Variants in HERC1 observed in about 807,000 individuals in gnomAD.
HERC1 encodes the protein probable E3 ubiquitin-protein ligase HERC1.
In HERC1, 160 loss-of-function variants were observed where a neutral mutation model predicts 554.3. The ratio of observed to expected loss-of-function variants is 0.29; its 90% CI spans 0.25 to 0.33. The LOEUF (loss-of-function observed/expected upper bound fraction) is 0.33, where lower values mean the gene tolerates loss of function less well. HERC1 is among the 10% of genes least tolerant of loss of function. The pLI is 1.00. For synonymous variants in HERC1, 2,175 were observed against 2,131.7 expected, an observed-to-expected ratio of 1.02 and a Z score of -0.56; for missense variants, 4,919 against 5,918.5, an observed-to-expected ratio of 0.83 and a Z score of 5.54.
At position 63,678,258 on chromosome 15, in the gene HERC1, G is replaced by A. The variant is rs1262925352; in HGVS notation, c.6657C>T (p.Leu2219=). 9.9e-6 allele frequency: 16 copies of A among 1,613,546 alleles called. No homozygotes were observed. Among genetic ancestry groups the A allele is most frequent in the East Asian group, 2.2e-5 (1 of 44,858 alleles). The part of the protein sequence containing the change: ...AAVLAEATIQ[L]IRILHRTDRW... The stretch of plus-strand genomic sequence containing the variant: ...GGTCTGTTCGGTGAAGGATACGGAT[G>A]AGCTGAATAGTGGCCTCAGCCAGCA... The change falls in exon 37 of 78, where the codon CTC becomes CTT. Residue 2219 remains leucine (L), a synonymous_variant. Coordinates refer to ENST00000443617, the MANE Select transcript of HERC1 (RefSeq NM_003922.4).
chr15:63,749,282 T>A lies in HERC1; in HGVS notation c.2219+85A>T. The A allele has an allele frequency of 9.7e-7, 1 of 1,033,614 alleles. No homozygotes were observed. The highest frequency in any genetic ancestry group is 1.7e-5 in the South Asian group (1 of 59,806). The allele number at this position is 1,033,614 out of a possible 1,614,324, so 64.0% of individuals were successfully genotyped here. A position where few individuals can be genotyped will look rare whatever the true frequency, so the allele number is the denominator to read the frequency against. ...AGAGTATTTTATGAACAAAGCACAA[T>A]TATTTCTGTTTTTATTAGTGTTTCT... is the stretch of plus-strand genomic sequence containing the variant. On this transcript the variant is annotated intron_variant, in intron 10 of 77. Transcript: ENST00000443617. This position sits in a 1 kb window ranked among gnomAD's most constrained non-coding sequence, Gnocchi z 4.1.
intron 18 of HERC1, 105 bp from the exon 19 acceptor site, chr15:63,723,460 C>A (rs771858227): frequency 2.5e-6 from 2 of 798,004 alleles, no homozygotes; most frequent in Non-Finnish European, 3.8e-6. Context: ...AAACTTCAAA[C>A]CATTTTAAGT....
chr15:63,612,330 C>T lies in HERC1; in HGVS notation c.14321G>A (p.Arg4774Lys). ...TAGTCGAGATCTTCCTGACACAAAC[C>T]TCATGAAAAGCACCCGCTCCTCATT... ...FSNEERVLFM[R>K]FVSGRSRLPA... is the part of the protein sequence containing the mutation. The change falls in exon 77 of 78, where the codon AGG becomes AAG. Residue 4774 changes from arginine to lysine, a missense_variant. Physicochemically the swap from Arg to Lys is conservative, Grantham distance 26 (BLOSUM62 2). Around this residue, in one of 11 missense-constraint regions of HERC1, gnomAD observed 284 missense variants for 294.1 expected, o/e 0.97. Transcript: ENST00000443617. The surrounding 1 kb of genome is among the most constrained non-coding windows in gnomAD (Gnocchi z 5.0). The T allele has an allele frequency of 6.2e-7, 1 of 1,614,010 alleles. No individual in the cohort carries two copies. Among genetic ancestry groups the T allele is most frequent in the Non-Finnish European group, 8.5e-7 (1 of 1,179,874 alleles).
At chr15:63,616,403 T>G in intron 75 of HERC1, 27 bp downstream of exon 75, 1 of 1,603,028 alleles carries the variant, frequency 6.2e-7, no homozygotes, top group African/African-American at 1.3e-5. Flanking sequence ...TCAACACCAG[T>G]AGAAACATAG....
At chr15:63,811,809 CAAAAAAA>C (rs374847616) in intron 1 of HERC1, among the ~76,000 whole-genome samples, 8 of 77,172 alleles carry the variant, frequency 1.0e-4, no homozygotes, top group African/African-American at 4.1e-4. Context: ...ACTCCGTCTC[CAAAAAAA>C]AAAAAAAAAA....
chr15:63,774,823 C>G lies in HERC1; in HGVS notation c.801G>C (p.Trp267Cys). The change falls in exon 2 of 78, where the codon TGG becomes TGC. Residue 267 changes from tryptophan to cysteine, a missense_variant. By Grantham distance (215) the Trp-to-Cys change is radical (BLOSUM62 -2). Transcript: ENST00000443617. ...QRGSLRYLLEWIEMALGASAV... is the reference protein window; with the variant it reads ...QRGSLRYLLECIEMALGASAV... ...CCGAAGCCCCCAAAGCCATTTCTAT[C>G]CATTCAAGAAGATATCGCAATGAGC... is the stretch of plus-strand genomic sequence containing the variant. The G allele has an allele frequency of 6.2e-7, 1 of 1,614,022 alleles. No homozygotes were observed. The highest frequency in any genetic ancestry group is 8.5e-7 in the Non-Finnish European group (1 of 1,179,894).
At chr15:63,812,179 T>C (rs2077344176) in intron 1 of HERC1, among the ~76,000 whole-genome samples, 1 of 152,190 alleles carries the variant, frequency 6.6e-6, no homozygotes, top group Admixed American at 6.5e-5. Flanking sequence ...ACAAGTTTAC[T>C]TAGGGTTGTG....
intron 1 of HERC1, among the ~76,000 whole-genome samples, chr15:63,813,727 G>A (rs764835955): frequency 1.3e-5 from 2 of 152,182 alleles, no homozygotes; most frequent in Non-Finnish European, 2.9e-5. Flanking sequence ...CCATTTTACT[G>A]TGGCAGAGGC....
intron 50 of HERC1, 38 bp downstream of exon 50, chr15:63,655,704 G>A (rs756682485): frequency 3.8e-6 from 5 of 1,323,574 alleles, no homozygotes; most frequent in East Asian, 2.5e-5. Context: ...ATAAGAAGTC[G>A]ATTAGAAGAC....
chr15:63,793,848 A>G (rs111632626), intron 1 of HERC1, among the ~76,000 whole-genome samples: 1 of 152,168 alleles, frequency 6.6e-6, no homozygotes, highest in African/African-American at 2.4e-5. Flanking sequence ...GCTGGGTAAA[A>G]TGAGGCTGAG....
chr15:63,760,682 CAA>C (rs1293436036), intron 3 of HERC1, among the ~76,000 whole-genome samples: 6 of 151,742 alleles, frequency 4.0e-5, no homozygotes, highest in Admixed American at 6.6e-5. Context: ...GAAAAACTGA[CAA>C]ATATTAAAAT....
intron 1 of HERC1, among the ~76,000 whole-genome samples, chr15:63,826,784 TAAAAAAAAAAAAAAAAAAA>T (rs71456333): frequency 2.7e-5 from 1 of 37,094 alleles, no homozygotes; most frequent in African/African-American, 8.7e-5. Context: ...TTATCTCTGG[TAAAAAAAAAAAAAAAAAAA>T]AAAAAAAAAA....
intron 60 of HERC1, 88 bp from the exon 61 acceptor site, chr15:63,640,533 A>G (rs1036976822): frequency 6.3e-6 from 7 of 1,115,318 alleles, no homozygotes; most frequent in South Asian, 1.6e-5. Flanking sequence ...GTCTGGAATC[A>G]TATTTTTCAA....
At chr15:63,660,057 G>A (rs975748559) in intron 46 of HERC1, 121 bp from the exon 47 acceptor site, 10 of 801,170 alleles carry the variant, frequency 1.2e-5, no homozygotes, top group African/African-American at 1.0e-4. Context: ...GATGGCTCAC[G>A]CCTGTAATCC....
intron 39 of HERC1, among the ~76,000 whole-genome samples, chr15:63,670,253 C>T (rs986147031): frequency 5.3e-5 from 8 of 152,094 alleles, no homozygotes; most frequent in Admixed American, 4.6e-4. Flanking sequence ...GGGAAAGGTA[C>T]GGGGAGGCAG....
chr15:63,808,551 G>A (rs187672609), intron 1 of HERC1, among the ~76,000 whole-genome samples: 244 of 152,254 alleles, frequency 1.6e-3, no homozygotes, highest in Non-Finnish European at 2.7e-3. Flanking sequence ...CTCCCAAAGT[G>A]CTGGAATTAC....
chr15:63,729,502 T>C lies in HERC1; in HGVS notation c.3016A>G (p.Ser1006Gly). 1 of 1,613,482 alleles carries C rather than the reference T, an allele frequency of 6.2e-7. No individual in the cohort carries two copies. Among genetic ancestry groups the C allele is most frequent in the Non-Finnish European group, 8.5e-7 (1 of 1,179,462 alleles). Residue 1006 changes from serine (S) to glycine (G), a missense_variant, in exon 15 of 78, where the codon AGT (serine) becomes GGT (glycine). Coordinates refer to ENST00000443617, the MANE Select transcript of HERC1 (RefSeq NM_003922.4). ...LLAFCHINNI[S>G]ENSSSVALLH... ...AAAGACAAATAATCGCATACCTCAC[T>C]AATGTTATTGATATGGCAAAATGCC...
At chr15:63,770,667 G>A (rs543975136) in intron 2 of HERC1, among the ~76,000 whole-genome samples, 79 of 152,278 alleles carry the variant, frequency 5.2e-4, no homozygotes, top group African/African-American at 1.8e-3. Context: ...AATCACACAA[G>A]TAAATACAAT....
Position 63,622,868 on chromosome 15 carries a change from G to T in HERC1, c.13635C>A (p.Asp4545Glu), listed in dbSNP as rs376314696. 1 of 1,604,070 alleles carries T rather than the reference G, an allele frequency of 6.2e-7. No individual in the cohort carries two copies. Among genetic ancestry groups the T allele is most frequent in the Non-Finnish European group, 8.5e-7 (1 of 1,176,084 alleles). Reference protein sequence around the residue: ...MCQELETGIVDLLIPSPNATA... With the variant: ...MCQELETGIVELLIPSPNATA... Reference sequence around the variant, plus strand: ...TGGCATTGGGAGAGGGTATAAGAAGGTCAACAATACCAGTTTCAAGTTCCT... The same window carrying T: ...TGGCATTGGGAGAGGGTATAAGAAGTTCAACAATACCAGTTTCAAGTTCCT... Residue 4545 changes from aspartate (D) to glutamate (E), a missense_variant, in exon 74 of 78, where the codon GAC becomes GAA. Coordinates refer to ENST00000443617, the MANE Select transcript of HERC1 (RefSeq NM_003922.4).
Sources: allele counts gnomAD v4.1 joint callset (sites outside exome capture counted in the v4.1 genomes callset), GRCh38; gene constraint gnomAD v4.1.1; regional missense constraint gnomAD v4.1.1; non-coding constraint Gnocchi (gnomAD v3.1); transcripts MANE v1.5; gene names NCBI Gene and HGNC (gene_info 2026-07-23, HGNC 2026-07-21).